The following NAV1 variants were observed in gnomAD, a reference collection of about 807,000 sequenced individuals.
The protein encoded by NAV1 is neuron navigator 1, also known as pore membrane and/or filament interacting like protein 3.
In NAV1, 18 loss-of-function variants were observed where a neutral mutation model predicts 175.2. The observed-to-expected ratio is 0.10, with a 90% CI of 0.07 to 0.15. NAV1 has a LOEUF of 0.15. NAV1 is among the 10% of genes least tolerant of loss of function. The pLI is 1.00. For missense variants in NAV1, 1,731 were observed against 2,436.6 expected (o/e 0.71, Z 6.10); for synonymous variants, 897 against 978.7 (o/e 0.92, Z 1.56).
intron 3 of NAV1, among the ~76,000 whole-genome samples, chr1:201,775,025 A>G (rs907929861): frequency 1.3e-5 from 2 of 152,198 alleles, no homozygotes; most frequent in Non-Finnish European, 2.9e-5. Flanking sequence ...TGGTGGCATC[A>G]GGTAGGTTTA....
intron 2 of NAV1, among the ~76,000 whole-genome samples, chr1:201,714,689 C>A (rs2102475919): frequency 6.6e-6 from 1 of 152,314 alleles, no homozygotes; most frequent in South Asian, 2.1e-4. Flanking sequence ...CATCTGCCTT[C>A]CCCCATCCAA....
intron 1 of NAV1, among the ~76,000 whole-genome samples, chr1:201,586,624 G>T (rs1022160889): frequency 2.0e-5 from 3 of 152,058 alleles, no homozygotes; most frequent in African/African-American, 7.2e-5. Flanking sequence ...TTCTCAGTGG[G>T]CAGGCACACA....
chr1:201,695,533 G>T (rs558319707), intron 1 of NAV1, among the ~76,000 whole-genome samples: 1 of 152,252 alleles, frequency 6.6e-6, no homozygotes, highest in Admixed American at 6.5e-5. Context: ...CTGAACTCAG[G>T]TGCAGCTTTG....
intron 3 of NAV1, among the ~76,000 whole-genome samples, chr1:201,754,147 A>G (rs1674307676): frequency 6.6e-6 from 1 of 152,150 alleles, no homozygotes; most frequent in South Asian, 2.1e-4. Flanking sequence ...TCATTCAACA[A>G]GTATTTATGG....
intron 29 of NAV1, among the ~76,000 whole-genome samples, chr1:201,819,454 ATTTTT>A (rs11390244): frequency 7.5e-6 from 1 of 132,622 alleles, no homozygotes; most frequent in Non-Finnish European, 1.6e-5. Flanking sequence ...CATGATCTAG[ATTTTT>A]TTTTTTTTTT....
chr1:201,580,642 G>C (rs774321090), intron 1 of NAV1, among the ~76,000 whole-genome samples: 1 of 152,110 alleles, frequency 6.6e-6, no homozygotes. Flanking sequence ...GCGTGGTGGC[G>C]CACGCCTGTA....
intron 3 of NAV1, among the ~76,000 whole-genome samples, chr1:201,769,007 G>A (rs1329617396): frequency 6.6e-6 from 1 of 152,134 alleles, no homozygotes; most frequent in Non-Finnish European, 1.5e-5. Context: ...AGCCAATAAG[G>A]TTAGCCTCTT....
intron 15 of NAV1, chr1:201,795,715 A>G (rs1214001103): frequency 6.6e-6 from 1 of 151,912 alleles, no homozygotes; most frequent in Non-Finnish European, 1.5e-5. Flanking sequence ...CATTTTTCCA[A>G]AATCCAACTT....
At chr1:201,596,030 C>T (rs998556209) in intron 2 of NAV1, among the ~76,000 whole-genome samples, 3 of 152,224 alleles carry the variant, frequency 2.0e-5, no homozygotes, top group Admixed American at 6.5e-5. Flanking sequence ...TAAATCTTAG[C>T]GACCCCACGT....
chr1:201,541,618 A>G (rs111549132), intron 1 of NAV1, among the ~76,000 whole-genome samples: 2,034 of 152,292 alleles, frequency 0.013, 23 homozygotes, highest in Middle Eastern at 0.031. Flanking sequence ...AACTAGAAAT[A>G]TGAAAATTAG....
chr1:201,613,540 A>G (rs1667913590), intron 2 of NAV1, among the ~76,000 whole-genome samples: 1 of 152,186 alleles, frequency 6.6e-6, no homozygotes, highest in South Asian at 2.1e-4. Flanking sequence ...TGGACCAGGA[A>G]CTGTCTTCCA....
intron 1 of NAV1, among the ~76,000 whole-genome samples, chr1:201,558,289 C>T (rs6427912): frequency 0.17 from 25,250 of 152,188 alleles, 2,861 homozygotes; most frequent in East Asian, 0.3. Flanking sequence ...AGGGGAAATG[C>T]GGGCCATATG....
At chr1:201,621,332 C>CTTTTTTTT (rs11422175), upstream of NAV1, among the ~76,000 whole-genome samples, 7 of 118,914 alleles carry the variant, frequency 5.9e-5, no homozygotes, top group Admixed American at 1.7e-4. Flanking sequence ...TCTTTTCTTT[C>CTTTTTTTT]TTTTTTTTTT....
intron 1 of NAV1, among the ~76,000 whole-genome samples, chr1:201,586,659 CAGAG>C (rs1352151440): frequency 6.6e-6 from 1 of 151,802 alleles, no homozygotes; most frequent in African/African-American, 2.4e-5. Context: ...GAAGGGAAGA[CAGAG>C]AGCAGGGAGA....
chr1:201,763,535 A>G lies in NAV1; in HGVS notation c.1227-16886A>G, dbSNP rs144694426. Among the ~76,000 whole-genome samples, 324 of 152,344 alleles carry G rather than the reference A, an allele frequency of 2.1e-3. 2 individuals carry two copies. Among genetic ancestry groups the G allele is most frequent in the African/African-American group, 7.6e-3 (316 of 41,568 alleles). On this transcript the variant is annotated intron_variant, in intron 3 of 29. Coordinates refer to ENST00000367296, the Ensembl canonical transcript of NAV1. ...AGGAGGGGAAAGACTTGGGGCAGAC[A>G]AAAAGGGAAATCTCTGAAACTAGAG...
intron 1 of NAV1, among the ~76,000 whole-genome samples, chr1:201,625,562 C>G (rs1371179546): frequency 6.6e-6 from 1 of 152,224 alleles, no homozygotes; most frequent in South Asian, 2.1e-4. Flanking sequence ...TAAGGGGCAA[C>G]TCACTTACGT....
chr1:201,736,953 C>T (rs1673139470), intron 3 of NAV1, among the ~76,000 whole-genome samples: 1 of 151,918 alleles, frequency 6.6e-6, no homozygotes, highest in Non-Finnish European at 1.5e-5. Context: ...TACAGTCATG[C>T]TCAGAGTCAC....
upstream of NAV1, among the ~76,000 whole-genome samples, chr1:201,618,639 C>T (rs1192964648): frequency 1.3e-5 from 2 of 152,150 alleles, no homozygotes; most frequent in Non-Finnish European, 2.9e-5. Flanking sequence ...ACCCTTGAGC[C>T]TCAGAGTCCT....
intron 2 of NAV1, among the ~76,000 whole-genome samples, chr1:201,642,275 C>T (rs757091381): frequency 2.0e-5 from 3 of 150,784 alleles, no homozygotes; most frequent in Admixed American, 6.6e-5. Flanking sequence ...TGCAGTGGCG[C>T]GATCTCGGCT....
Sources: gnomAD v4.1 joint callset for allele counts (sites outside exome capture counted in the v4.1 genomes callset) on GRCh38, gnomAD v4.1.1 for gene constraint, MANE v1.5 for transcripts, NCBI Gene and HGNC (gene_info 2026-07-23, HGNC 2026-07-21) for gene names.